PLA2G2A: variants seen among roughly 807,000 people sequenced by gnomAD.
PLA2G2A encodes the protein phospholipase A2, membrane associated.
In PLA2G2A, 6 loss-of-function variants were observed where a neutral mutation model predicts 11.2. That is an observed-to-expected ratio of 0.54 (90% CI 0.29 to 1.06). The LOEUF (loss-of-function observed/expected upper bound fraction) is 1.06. PLA2G2A is among the 50% of genes least tolerant of loss of function. PLA2G2A has a pLI of 0.08. For synonymous variants in PLA2G2A, 69 were observed against 65.8 expected (o/e 1.05, Z -0.23); for missense variants, 133 against 177.1 (o/e 0.75, Z 1.41).
Position 19,979,139 on chromosome 1 carries a change from C to T in PLA2G2A, c.-106-260G>A, listed in dbSNP as rs759314115. 173 of 306,836 alleles carry T rather than the reference C, an allele frequency of 5.6e-4. 1 individual carries two copies. The highest frequency in any genetic ancestry group is 3.3e-3 in the Middle Eastern group (3 of 912). 19.0% of individuals were successfully genotyped at this position (306,836 alleles called of 1,614,324 possible). A position where few individuals can be genotyped will look rare whatever the true frequency, so the allele number is the denominator to read the frequency against. Reference sequence around the variant, plus strand: ...ACTGAGAGTTCTTGGGAGGTTGGAACCAGGTTCCTCCCAACTACCTGGGAG... The same window carrying T: ...ACTGAGAGTTCTTGGGAGGTTGGAATCAGGTTCCTCCCAACTACCTGGGAG... On this transcript the variant is annotated intron_variant, in intron 1 of 4. Coordinates refer to ENST00000482011, the Ensembl canonical transcript of PLA2G2A.
downstream of PLA2G2A, chr1:19,975,496 C>T (rs964066465): frequency 5.1e-5 from 31 of 610,354 alleles, no homozygotes; most frequent in Middle Eastern, 4.4e-4. Flanking sequence ...TGGTTAAGCA[C>T]GGAGTTGAGG....
chr1:19,978,216 G>T, intron 3 of PLA2G2A, 95 bp from the exon 4 acceptor site: 2 of 1,337,782 alleles, frequency 1.5e-6, no homozygotes, highest in Non-Finnish European at 2.1e-6. Context: ...CAGAGACCCA[G>T]TGACTTTGCA....
chr1:19,978,970 A>T, intron 1 of PLA2G2A, 91 bp from the exon 2 acceptor site: 2 of 468,390 alleles, frequency 4.3e-6, no homozygotes, highest in Non-Finnish European at 3.7e-6. Flanking sequence ...GCCCTCCAGC[A>T]ATGCACACAC....
downstream of PLA2G2A, chr1:19,975,551 T>C: frequency 1.4e-6 from 1 of 719,344 alleles, no homozygotes; most frequent in Non-Finnish European, 2.5e-6. Flanking sequence ...GATGTCTCAT[T>C]CTGGGTGGGT....
chr1:19,978,955 G>A, intron 1 of PLA2G2A, 76 bp from the exon 2 acceptor site: 1 of 610,612 alleles, frequency 1.6e-6, no homozygotes. Flanking sequence ...GAGCACACAA[G>A]GAGTGCCCTC....
chr1:19,978,081 T>G, exon 4 of PLA2G2A: 1 of 1,614,052 alleles, frequency 6.2e-7, no homozygotes, highest in East Asian at 2.2e-5. Context: ...CATCCACGTT[T>G]CTCCAGACGT....
chr1:19,978,274 G>A, intron 3 of PLA2G2A, 106 bp downstream of exon 3: 1 of 1,446,044 alleles, frequency 6.9e-7, no homozygotes. Flanking sequence ...TTCCAGCCAG[G>A]CCATCCTGAG....
exon 2 of PLA2G2A, chr1:19,978,854 C>T (rs367884397): frequency 1.5e-4 from 194 of 1,319,578 alleles, no homozygotes; most frequent in South Asian, 2.3e-4. Context: ...CCCCGGCCGT[C>T]GCTCCCCTGC....
intron 1 of PLA2G2A, 121 bp from the exon 2 acceptor site, chr1:19,979,000 C>CACACACACA (rs1553167303): frequency 9.1e-6 from 5 of 550,804 alleles, no homozygotes; most frequent in South Asian, 1.9e-5. Flanking sequence ...CACACACACA[C>CACACACACA]AACCACCTCC....
At chr1:19,975,589 G>A, downstream of PLA2G2A, 1 of 990,900 alleles carries the variant, frequency 1.0e-6, no homozygotes, top group East Asian at 2.4e-5. Flanking sequence ...TGGCCTCTAG[G>A]ATGGGTGAGG....
At chr1:19,978,975 A>T in intron 1 of PLA2G2A, 96 bp from the exon 2 acceptor site, 1 of 32,198 alleles carries the variant, frequency 3.1e-5, no homozygotes. Flanking sequence ...CCAGCAATGC[A>T]CACACACACA....
At chr1:19,976,680 C>T (rs2046223940) in intron 4 of PLA2G2A, among the ~76,000 whole-genome samples, 1 of 152,226 alleles carries the variant, frequency 6.6e-6, no homozygotes, top group African/African-American at 2.4e-5. Context: ...AAATCCCACT[C>T]ATGAGTCAGC....
upstream of PLA2G2A, among the ~76,000 whole-genome samples, chr1:19,979,928 G>C (rs1557704199): frequency 1.3e-5 from 2 of 151,862 alleles, no homozygotes; most frequent in African/African-American, 4.9e-5. Flanking sequence ...TCGCCTCTAA[G>C]GGGGGCAGAG....
rs965800220 is a variant in PLA2G2A, at chr1:19,975,835, C to A, written c.301G>T (p.Asp101Tyr). The A allele has an allele frequency of 1.2e-6, 2 of 1,613,892 alleles. No individual in the cohort carries two copies. Among genetic ancestry groups the A allele is most frequent in the African/African-American group, 1.3e-5 (1 of 75,024 alleles). ...TCACACAGTTGACTTCTGCAGGAGTCCTGTTTTGCTGAAATCATAAGAAAA... is the reference window on the plus strand; with the variant it reads ...TCACACAGTTGACTTCTGCAGGAGTACTGTTTTGCTGAAATCATAAGAAAA... Residue 101 changes from aspartate (D) to tyrosine (Y), a missense_variant, in exon 5 of 5, where the codon GAC (aspartate) becomes TAC (tyrosine). Physicochemically the swap from Asp to Tyr is radical, Grantham distance 160. Transcript: ENST00000482011.
exon 2 of PLA2G2A, chr1:19,978,772 A>G (rs1016563433): frequency 1.2e-6 from 2 of 1,614,148 alleles, no homozygotes; most frequent in East Asian, 2.2e-5. Context: ...GAGGGTCTTC[A>G]TGGTAAGAGT....
intron 4 of PLA2G2A, 77 bp downstream of exon 4, chr1:19,977,937 CT>C: frequency 1.1e-6 from 1 of 883,338 alleles, no homozygotes; most frequent in Non-Finnish European, 1.9e-6. Context: ...CCCTCTGTGT[CT>C]ATCTTTGGTG....
At chr1:19,978,937 C>G in intron 1 of PLA2G2A, 58 bp from the exon 2 acceptor site, 1 of 685,194 alleles carries the variant, frequency 1.5e-6, no homozygotes, top group Non-Finnish European at 2.6e-6. Context: ...CTTCCTCTGT[C>G]ACACTCAGAG....
intron 2 of PLA2G2A, 47 bp from the exon 3 acceptor site, chr1:19,978,571 G>C (rs767563899): frequency 1.2e-5 from 19 of 1,610,020 alleles, no homozygotes; most frequent in Non-Finnish European, 1.6e-5. Flanking sequence ...ATGGGGTTCT[G>C]CGCCCTCCCT....
chr1:19,976,898 G>A (rs369635757), intron 4 of PLA2G2A, among the ~76,000 whole-genome samples: 2 of 152,210 alleles, frequency 1.3e-5, no homozygotes, highest in South Asian at 4.1e-4. Context: ...ACATCCAGGG[G>A]AGCCTTGTTG....
Sources: allele counts gnomAD v4.1 joint callset (sites outside exome capture counted in the v4.1 genomes callset), GRCh38; gene constraint gnomAD v4.1.1; transcripts MANE v1.5; gene names NCBI Gene and HGNC (gene_info 2026-07-23, HGNC 2026-07-21).